Variants in FMNL2 observed in about 807,000 individuals in gnomAD.
FMNL2 encodes formin-like protein 2.
In FMNL2, 51 loss-of-function variants were observed where a neutral mutation model predicts 130.2. That is an observed-to-expected ratio of 0.39 (90% CI 0.31 to 0.49). FMNL2 has a LOEUF of 0.49. FMNL2 is among the 20% of genes least tolerant of loss of function. The probability of loss-of-function intolerance (pLI) is 0.85; values close to 1 mark genes in which losing one functional copy is unlikely to be tolerated. For synonymous variants in FMNL2, 465 were observed against 467.1 expected, an observed-to-expected ratio of 1.00 and a Z score of 0.06; for missense variants, 977 against 1,316.2, an observed-to-expected ratio of 0.74 and a Z score of 3.99.
intron 2 of FMNL2, among the ~76,000 whole-genome samples, chr2:152,522,322 A>G (rs1693140063): frequency 1.3e-5 from 2 of 152,238 alleles, no homozygotes; most frequent in Non-Finnish European, 2.9e-5. Context: ...CGTAAAGTAC[A>G]TAGAATAATA....
At chr2:152,434,528 C>A (rs998430181) in intron 1 of FMNL2, among the ~76,000 whole-genome samples, 2 of 152,054 alleles carry the variant, frequency 1.3e-5, no homozygotes, top group African/African-American at 4.8e-5. Context: ...AAGCTGGATC[C>A]CAGCTGGCCC....
intron 1 of FMNL2, among the ~76,000 whole-genome samples, chr2:152,450,046 G>T (rs888525124): frequency 3.3e-5 from 5 of 151,820 alleles, no homozygotes; most frequent in Non-Finnish European, 7.4e-5. Flanking sequence ...TTCTGTCACC[G>T]ACATAGAAAT....
chr2:152,500,647 A>C (rs1217283318), intron 1 of FMNL2, among the ~76,000 whole-genome samples: 1 of 152,212 alleles, frequency 6.6e-6, no homozygotes, highest in Non-Finnish European at 1.5e-5. Flanking sequence ...CAGGAGTTCT[A>C]GACCAGCCTG....
chr2:152,489,303 G>A (rs1307607453), intron 1 of FMNL2, among the ~76,000 whole-genome samples: 1 of 152,208 alleles, frequency 6.6e-6, no homozygotes, highest in Non-Finnish European at 1.5e-5. Context: ...ACTCCATCTG[G>A]GGCTGAGCCT....
chr2:152,335,591 G>A lies in FMNL2; in HGVS notation c.-13G>A, dbSNP rs529489608. 9 of 1,580,516 alleles carry A rather than the reference G, an allele frequency of 5.7e-6. No homozygotes were observed. In the East Asian group the frequency reaches 1.7e-4, roughly 30 times the overall value. On this transcript the variant is annotated 5_prime_UTR_variant, in exon 1 of 26. Coordinates refer to ENST00000288670, the MANE Select transcript of FMNL2 (RefSeq NM_052905.4). ...GGGCCCGGAGCAGCCCCCGGCCCCG[G>A]CGCGCCGCCGACATGGGCAACGCAG...
chr2:152,647,207 G>A (rs905223115), intron 25 of FMNL2, among the ~76,000 whole-genome samples: 2 of 152,106 alleles, frequency 1.3e-5, no homozygotes, highest in African/African-American at 4.8e-5. Flanking sequence ...GGCAGAAAAG[G>A]ATGCCAGGGA....
chr2:152,501,577 C>T (rs558610638), intron 1 of FMNL2, among the ~76,000 whole-genome samples: 24 of 152,226 alleles, frequency 1.6e-4, no homozygotes, highest in Non-Finnish European at 2.9e-4. Flanking sequence ...CAAAATCCCC[C>T]AGGATGTCCA....
At chr2:152,574,935 C>A (rs1290116034) in intron 6 of FMNL2, among the ~76,000 whole-genome samples, 1 of 151,934 alleles carries the variant, frequency 6.6e-6, no homozygotes, top group Non-Finnish European at 1.5e-5. Context: ...ACAAGCATAC[C>A]CAAGATGGGC....
At chr2:152,478,841 A>C (rs946003728) in intron 1 of FMNL2, among the ~76,000 whole-genome samples, 1 of 152,184 alleles carries the variant, frequency 6.6e-6, no homozygotes, top group East Asian at 1.9e-4. Flanking sequence ...TATGGATGAA[A>C]TTAAGTAGAA....
intron 6 of FMNL2, among the ~76,000 whole-genome samples, chr2:152,573,716 A>G (rs1210156626): frequency 1.3e-5 from 2 of 152,232 alleles, no homozygotes; most frequent in Non-Finnish European, 2.9e-5. Flanking sequence ...TAAACAAATA[A>G]TTGGAGAAAA....
At chr2:152,558,135 G>T (rs1388411435) in intron 4 of FMNL2, among the ~76,000 whole-genome samples, 1 of 152,216 alleles carries the variant, frequency 6.6e-6, no homozygotes, top group African/African-American at 2.4e-5. Context: ...TATTTGTCAT[G>T]TGCCGGCCTT....
rs1579803745 is a variant in FMNL2 at position 152,493,318 on chromosome 2, C to T, written c.118-28625C>T. Reference sequence around the variant, plus strand: ...AGTGTAATTTCTTTTTTCCTGTTAACAAAATGAACCTCAGAATTCTGAAAA... The same window carrying T: ...AGTGTAATTTCTTTTTTCCTGTTAATAAAATGAACCTCAGAATTCTGAAAA... On this transcript the variant is annotated intron_variant, in intron 1 of 25. Coordinates refer to ENST00000288670, the MANE Select transcript of FMNL2 (RefSeq NM_052905.4). Among the ~76,000 whole-genome samples the T allele has an allele frequency of 2.0e-5, 3 of 152,114 alleles. No individual in the cohort carries two copies. The South Asian group carries it at 6.2e-4, about 32-fold the overall frequency.
At chr2:152,550,941 C>T (rs1694904474) in intron 4 of FMNL2, among the ~76,000 whole-genome samples, 1 of 151,966 alleles carries the variant, frequency 6.6e-6, no homozygotes, top group African/African-American at 2.4e-5. Flanking sequence ...AGTTCGACAC[C>T]AGCCTGGCCA....
At chr2:152,633,971 C>A (rs1479391238) in intron 21 of FMNL2, among the ~76,000 whole-genome samples, 1 of 152,132 alleles carries the variant, frequency 6.6e-6, no homozygotes, top group Non-Finnish European at 1.5e-5. Flanking sequence ...CCAGTGAACA[C>A]CTTTGAGTGC....
intron 2 of FMNL2, among the ~76,000 whole-genome samples, chr2:152,527,556 G>A (rs534655669): frequency 6.6e-6 from 1 of 152,100 alleles, no homozygotes; most frequent in South Asian, 2.1e-4. Context: ...ATTATTCCTG[G>A]AATTTTTCCC....
intron 1 of FMNL2, among the ~76,000 whole-genome samples, chr2:152,381,012 G>A (rs568863027): frequency 1.3e-5 from 2 of 152,272 alleles, no homozygotes; most frequent in East Asian, 1.9e-4. Flanking sequence ...CTTTTGCTAG[G>A]TGCCTAATAA....
intron 25 of FMNL2, chr2:152,643,510 AACTATT>A (rs1418990450): frequency 1.3e-6 from 2 of 1,536,116 alleles, no homozygotes; most frequent in South Asian, 1.2e-5. Context: ...ACCATTACTA[AACTATT>A]ACTCTTTCTC....
intron 1 of FMNL2, among the ~76,000 whole-genome samples, chr2:152,406,572 T>C (rs1172314651): frequency 6.6e-6 from 1 of 152,186 alleles, no homozygotes; most frequent in Non-Finnish European, 1.5e-5. Context: ...CCTCCTAGAT[T>C]TGAATTGTTA....
chr2:152,608,030 G>A (rs1336489600), intron 10 of FMNL2, among the ~76,000 whole-genome samples: 1 of 152,200 alleles, frequency 6.6e-6, no homozygotes, highest in Non-Finnish European at 1.5e-5. Context: ...ACATCAAAGT[G>A]AGTTGCAGCA....
Sources: gnomAD v4.1 joint callset for allele counts (sites outside exome capture counted in the v4.1 genomes callset) on GRCh38, gnomAD v4.1.1 for gene constraint, MANE v1.5 for transcripts, NCBI Gene and HGNC (gene_info 2026-07-23, HGNC 2026-07-21) for gene names.